Variants in DOCK6 observed in about 807,000 individuals in gnomAD.
DOCK6 encodes dedicator of cytokinesis protein 6.
DOCK6 carries 167 observed loss-of-function variants against 230.3 expected under a neutral mutation model. The observed-to-expected ratio is 0.73, with a 90% CI of 0.64 to 0.82. The LOEUF is 0.82. Ranked by LOEUF, DOCK6 falls within the 40% of genes least tolerant of loss-of-function variation. The pLI is 0.00. For missense variants in DOCK6, 2,598 were observed against 2,825.8 expected (o/e 0.92, Z 1.83); for synonymous variants, 1,148 against 1,185.0 (o/e 0.97, Z 0.64).
intron 21 of DOCK6, among the ~76,000 whole-genome samples, chr19:11,234,507 TAA>T (rs5827121): frequency 0.33 from 47,583 of 145,386 alleles, 11,294 homozygotes; most frequent in African/African-American, 0.68. Context: ...TTTGGCAAAT[TAA>T]AAAAAAAAAA....
In DOCK6 at chr19:11,239,713, G is replaced by A. The variant is rs201199003; in HGVS notation, c.1644-1409C>T. On this transcript the variant is annotated intron_variant, in intron 14 of 47. Transcript: ENST00000294618. ...GCCTGCCTCAGCGGCCCCCATGGGC[G>A]GCCCAGAACTGGCACAGCATGAGGA... 3.3e-4 allele frequency: 538 copies of A among 1,613,570 alleles called. 4 individuals carry two copies. In the African/African-American group the frequency reaches 6.4e-3, roughly 19 times the overall value.
chr19:11,252,346 C>T (rs954714685), intron 4 of DOCK6, 98 bp from the exon 5 acceptor site: 39 of 1,571,770 alleles, frequency 2.5e-5, no homozygotes, highest in Admixed American at 5.3e-5. Context: ...TCAAAGCCAC[C>T]GTCCTTGTGC....
chr19:11,203,940 G>GT, intron 41 of DOCK6, 141 bp downstream of exon 41: 1 of 1,114,490 alleles, frequency 9.0e-7, no homozygotes, highest in East Asian at 2.6e-5. Flanking sequence ...AAATAATGGG[G>GT]TGGGTCCCTT....
rs745711800 is a variant in DOCK6 at position 11,235,738 on chromosome 19, A to G, written c.2414T>C (p.Phe805Ser). 1.9e-6 allele frequency: 3 copies of G among 1,596,584 alleles called. No individual in the cohort carries two copies. Among genetic ancestry groups the G allele is most frequent in the Non-Finnish European group, 2.6e-6 (3 of 1,170,950 alleles). Reference sequence around the variant, plus strand: ...GCTGACTACATGGGCCATTGCTTCAAAGGCTCCACGGCCCAGGTTCACTGC... The same window carrying G: ...GCTGACTACATGGGCCATTGCTTCAGAGGCTCCACGGCCCAGGTTCACTGC... ...GQIVNLGRGA[F>S]EAMAHVVSLV... The change falls in exon 21 of 48, where the codon TTT becomes TCT. Residue 805 changes from phenylalanine (F) to serine (S), a missense_variant. Physicochemically the swap from Phe to Ser is radical, Grantham distance 155. Transcript: ENST00000294618.
intron 14 of DOCK6, 141 bp from the exon 15 acceptor site, chr19:11,238,445 G>T: frequency 2.8e-6 from 2 of 704,602 alleles, no homozygotes; most frequent in Non-Finnish European, 4.9e-6. Flanking sequence ...TTGAGGGCCC[G>T]GTGAGAGGTA....
rs866270898 is a variant in DOCK6, at chr19:11,253,674, G to A, written c.97C>T (p.Pro33Ser). The A allele has an allele frequency of 1.4e-6, 2 of 1,465,782 alleles. No homozygotes were observed. Among genetic ancestry groups the A allele is most frequent in the Admixed American group, 3.1e-5 (1 of 32,280 alleles). 90.8% of individuals were successfully genotyped at this position (1,465,782 alleles called of 1,614,324 possible). ...CTGCTGCAGCGCCTGCTGGAGTGGG[G>A]GGAGCCACTGCGTTCCCGGGACACC... ...KQVSRERSGS[P>S]HSSRRCSSSL... The change falls in exon 2 of 48, where the codon CCC (proline) becomes TCC (serine). Residue 33 changes from proline to serine, a missense_variant. Pro to Ser is a moderately conservative substitution (Grantham distance 74, BLOSUM62 -1). Transcript: ENST00000294618.
chr19:11,236,236 T>G lies in DOCK6; in HGVS notation c.2392+110A>C, dbSNP rs2079845308. ...AGGGGACTGGAGGTCATTTTTCAGATGAGAAAAATGGCCAGAGAGGTAAAT... is the reference window on the plus strand; with the variant it reads ...AGGGGACTGGAGGTCATTTTTCAGAGGAGAAAAATGGCCAGAGAGGTAAAT... On this transcript the variant is annotated intron_variant, in intron 20 of 47. Coordinates refer to ENST00000294618, the MANE Select transcript of DOCK6 (RefSeq NM_020812.4). The surrounding 1 kb of genome is among the most constrained non-coding windows in gnomAD (Gnocchi z 5.2). The G allele has an allele frequency of 5.0e-4, 534 of 1,070,428 alleles. No individual in the cohort carries two copies. Among genetic ancestry groups the G allele is most frequent in the Non-Finnish European group, 6.3e-4 (474 of 754,676 alleles). 66.3% of individuals were successfully genotyped at this position (1,070,428 alleles called of 1,614,324 possible).
intron 6 of DOCK6, 47 bp downstream of exon 6, chr19:11,250,827 G>T (rs2080105295): frequency 1.3e-6 from 2 of 1,555,586 alleles, no homozygotes. Flanking sequence ...TATACAATAG[G>T]CACCCAGTAA....
At chr19:11,214,525 A>G in intron 33 of DOCK6, 28 bp downstream of exon 33, 8 of 1,613,794 alleles carry the variant, frequency 5.0e-6, no homozygotes, top group Non-Finnish European at 6.8e-6. Context: ...GGCTCAGAGC[A>G]CAAGGCAGAT....
At position 11,245,665 on chromosome 19, in the gene DOCK6, C is replaced by G; in HGVS notation, c.921G>C (p.Gly307=). ...YFDLNSDSMK[G]LLRAHGTHPA... ...GGTGGGTGCCATGAGCCCGAAGCAG[C>G]CCCTTCATGGAGTCCGAGTTCAGGT... is the stretch of plus-strand genomic sequence containing the variant. The change falls in exon 9 of 48, where the codon GGG becomes GGC. Residue 307 remains glycine (G), a synonymous_variant. Transcript: ENST00000294618. 1 of 1,609,352 alleles carries G rather than the reference C, an allele frequency of 6.2e-7. No individual in the cohort carries two copies.
chr19:11,215,306 C>T (rs1013561254), intron 32 of DOCK6, 81 bp downstream of exon 32: 14 of 1,325,188 alleles, frequency 1.1e-5, no homozygotes, highest in Admixed American at 3.6e-5. Flanking sequence ...AGGCTGGTCT[C>T]GAACTCCTGG....
chr19:11,215,910 T>C lies in DOCK6; in HGVS notation c.3912A>G (p.Glu1304=). The C allele has an allele frequency of 1.2e-6, 2 of 1,613,814 alleles. No individual in the cohort carries two copies. Among genetic ancestry groups the C allele is most frequent in the Non-Finnish European group, 1.7e-6 (2 of 1,179,846 alleles). Residue 1304 remains glutamate (E), a synonymous_variant, in exon 31 of 48, where the codon GAA becomes GAG. Coordinates refer to ENST00000294618, the MANE Select transcript of DOCK6 (RefSeq NM_020812.4). The part of the protein sequence containing the change: ...AFEYKGKKAF[E]RINSLTFKKS... ...TTTTGAATGTGAGGCTGTTGATGCG[T>C]TCAAAGGCCTTTTTCCCCTGGGGGT...
chr19:11,257,210 T>A (rs1449097909), intron 1 of DOCK6, among the ~76,000 whole-genome samples: 1 of 151,474 alleles, frequency 6.6e-6, no homozygotes, highest in Non-Finnish European at 1.5e-5. Context: ...TTGCCTAGTA[T>A]GGTCTCAAAC....
rs1415877629 is a variant in DOCK6 at position 11,204,076 on chromosome 19, C to G, written c.5235+5G>C. On this transcript the variant is annotated splice_donor_5th_base_variant and intron_variant, in intron 41 of 47. Coordinates refer to ENST00000294618, the MANE Select transcript of DOCK6 (RefSeq NM_020812.4). ...GCAGGTGGCTGTCCACCAAGGCTGA[C>G]TCACCTCCCAGCCGGAACTCTGTGG... The G allele has an allele frequency of 1.9e-6, 3 of 1,549,672 alleles. No individual in the cohort carries two copies. The East Asian group carries it at 7.3e-5, about 38-fold the overall frequency.
chr19:11,259,103 G>C (rs1361287180), intron 1 of DOCK6, among the ~76,000 whole-genome samples: 1 of 152,124 alleles, frequency 6.6e-6, no homozygotes, highest in Non-Finnish European at 1.5e-5. Context: ...TCAGGCTGGA[G>C]TGCAGTGGCG....
chr19:11,238,232 C>T lies in DOCK6; in HGVS notation c.1716G>A (p.Val572=), dbSNP rs1323358331. ...CCTCGCCTGTCATGTACTGCACTCGCACAGCAAGGTTGCGCACGGAGCCCT... is the reference window on the plus strand; with the variant it reads ...CCTCGCCTGTCATGTACTGCACTCGTACAGCAAGGTTGCGCACGGAGCCCT... ...SRQGSVRNLA[V]RVQYMTGEDP... is the part of the protein sequence containing the mutation. Residue 572 remains valine (V), a synonymous_variant, in exon 15 of 48, where the codon GTG becomes GTA. Transcript: ENST00000294618. 6.2e-6 allele frequency: 10 copies of T among 1,613,478 alleles called. No homozygotes were observed. The highest frequency in any genetic ancestry group is 4.4e-5 in the South Asian group (4 of 91,088).
rs751125530 is a variant in DOCK6 at position 11,237,574 on chromosome 19, G to A, written c.1972-17C>T. ...TGGGATCCACTGGGGAGAGGCTGGA[G>A]GTCAGGTCTGCGGCCAGGTTGGGGG... On this transcript the variant is annotated splice_polypyrimidine_tract_variant and intron_variant, in intron 17 of 47. Transcript: ENST00000294618. The A allele has an allele frequency of 9.3e-6, 15 of 1,611,264 alleles. No individual in the cohort carries two copies. In the East Asian group the frequency reaches 1.6e-4, roughly 17 times the overall value.
chr19:11,260,646 T>C (rs1349908297), intron 1 of DOCK6, among the ~76,000 whole-genome samples: 1 of 149,560 alleles, frequency 6.7e-6, no homozygotes, highest in African/African-American at 2.5e-5. Flanking sequence ...CCCAGCACTT[T>C]GGGAGGTGGG....
Position 11,243,366 on chromosome 19 carries a change from T to C in DOCK6, c.1278A>G (p.Thr426=). The change falls in exon 12 of 48, where the codon ACA becomes ACG. Residue 426 remains threonine, a synonymous_variant. Transcript: ENST00000294618. The surrounding 1 kb of genome is among the most constrained non-coding windows in gnomAD (Gnocchi z 6.3). The part of the protein sequence containing the change: ...DSEGERRPAW[T]DRRRRGPQDR... ...CCTGGGGCCCCCGACGGCGGCGGTC[T>C]GTCCAGGCTGGCCGGCGCTCTAGGG... is the stretch of plus-strand genomic sequence containing the variant. The C allele has an allele frequency of 1.9e-6, 3 of 1,601,772 alleles. No homozygotes were observed. The highest frequency in any genetic ancestry group is 2.6e-6 in the Non-Finnish European group (3 of 1,174,836).
Sources: allele counts gnomAD v4.1 joint callset (sites outside exome capture counted in the v4.1 genomes callset), GRCh38; gene constraint gnomAD v4.1.1; non-coding constraint Gnocchi (gnomAD v3.1); transcripts MANE v1.5; gene names NCBI Gene and HGNC (gene_info 2026-07-23, HGNC 2026-07-21).